The following SH2D1B variants were observed in gnomAD, a reference collection of about 807,000 sequenced individuals.
The protein encoded by SH2D1B is SH2 domain containing 1B, also known as SH2 domain-containing protein 1B.
A neutral mutation model predicts 16.3 loss-of-function variants in SH2D1B; 11 were observed. That is an observed-to-expected ratio of 0.67 (90% CI 0.42 to 1.11). The LOEUF (loss-of-function observed/expected upper bound fraction) is 1.11, where lower values mean the gene tolerates loss of function less well. Ranked by LOEUF, SH2D1B falls within the 50% of genes most tolerant of loss-of-function variation. The probability of loss-of-function intolerance (pLI) is 0.00; values close to 1 mark genes in which losing one functional copy is unlikely to be tolerated. For synonymous variants in SH2D1B, 55 were observed against 56.1 expected (o/e 0.98, Z 0.09); for missense variants, 123 against 153.1 (o/e 0.80, Z 1.04).
At chr1:162,397,663 T>A (rs1020578845) in intron 3 of SH2D1B, among the ~76,000 whole-genome samples, 2 of 152,170 alleles carry the variant, frequency 1.3e-5, no homozygotes, top group African/African-American at 2.4e-5. Flanking sequence ...TAGCTGAGAA[T>A]TTTGGAGCCT....
At chr1:162,400,822 G>A (rs879384250) in intron 2 of SH2D1B, among the ~76,000 whole-genome samples, 10 of 152,008 alleles carry the variant, frequency 6.6e-5, no homozygotes, top group Admixed American at 3.3e-4. Flanking sequence ...GGTAGCAGAC[G>A]CCTGTAATCC....
chr1:162,401,231 TAC>T (rs2101858964), intron 2 of SH2D1B, among the ~76,000 whole-genome samples: 1 of 152,288 alleles, frequency 6.6e-6, no homozygotes, highest in South Asian at 2.1e-4. Context: ...GTGTCTGAGT[TAC>T]AAATGATTTG....
chr1:162,399,124 T>G lies in SH2D1B; in HGVS notation c.199-37A>C, dbSNP rs374932800. On this transcript the variant is annotated intron_variant, in intron 2 of 3. Coordinates refer to ENST00000367929, the MANE Select transcript of SH2D1B (RefSeq NM_053282.5). The stretch of plus-strand genomic sequence containing the variant: ...CAAGAAAGGAAATCACTCATTATCA[T>G]GCAATTGCGTGTGAAATGTGACACT... 3.3e-5 allele frequency: 52 copies of G among 1,572,114 alleles called. No individual in the cohort carries two copies. In the African/African-American group the frequency reaches 5.0e-4, roughly 15 times the overall value.
intron 2 of SH2D1B, among the ~76,000 whole-genome samples, chr1:162,400,597 C>T (rs1204234737): frequency 6.6e-6 from 1 of 151,564 alleles, no homozygotes; most frequent in South Asian, 2.1e-4. Context: ...AGCCACCATG[C>T]CTGGCCCACC....
rs2101855820 is a variant in SH2D1B, at chr1:162,396,196, A to C, written c.*1084T>G. On this transcript the variant is annotated 3_prime_UTR_variant, in exon 4 of 4. Transcript: ENST00000367929. ...CCTCTCTTTTAAAACTCTGAAGATA[A>C]GTCCAGTGGGGTGAAATACATTACT... is the stretch of plus-strand genomic sequence containing the variant. 1 of 152,338 alleles carries C rather than the reference A, an allele frequency of 6.6e-6. No homozygotes were observed. The highest frequency in any genetic ancestry group is 1.9e-4 in the East Asian group (1 of 5,186). The allele number at this position is 152,338 out of a possible 1,614,324, so 9.4% of individuals were successfully genotyped here.
rs1019018727 is a variant in SH2D1B, at chr1:162,412,098, G to A, written c.-82C>T. ...AAGGGACAGCTCTGAGGAGAGATGTGTAAGCAGCTGTACCTCCTGTGGAGC... is the reference window on the plus strand; with the variant it reads ...AAGGGACAGCTCTGAGGAGAGATGTATAAGCAGCTGTACCTCCTGTGGAGC... On this transcript the variant is annotated 5_prime_UTR_variant, in exon 1 of 4. Transcript: ENST00000367929. 3 of 1,564,384 alleles carry A rather than the reference G, an allele frequency of 1.9e-6. No individual in the cohort carries two copies. The highest frequency in any genetic ancestry group is 3.4e-5 in the Admixed American group (2 of 58,946).
intron 1 of SH2D1B, among the ~76,000 whole-genome samples, chr1:162,404,733 C>T (rs900891547): frequency 2.6e-5 from 4 of 152,180 alleles, no homozygotes; most frequent in Non-Finnish European, 5.9e-5. Flanking sequence ...AACGCAGATT[C>T]AACTCACAAT....
intron 2 of SH2D1B, among the ~76,000 whole-genome samples, chr1:162,399,846 T>C (rs1648464718): frequency 1.3e-5 from 2 of 152,206 alleles, no homozygotes; most frequent in African/African-American, 4.8e-5. Context: ...TTTCATTCTT[T>C]TTTGACCTAA....
At chr1:162,397,634 G>A (rs1174276985) in intron 3 of SH2D1B, among the ~76,000 whole-genome samples, 5 of 152,198 alleles carry the variant, frequency 3.3e-5, no homozygotes, top group African/African-American at 1.2e-4. Flanking sequence ...GAGGTTGATG[G>A]GGAATATTTC....
At chr1:162,408,477 A>G (rs1382821540) in intron 1 of SH2D1B, among the ~76,000 whole-genome samples, 1 of 136,126 alleles carries the variant, frequency 7.3e-6, no homozygotes, top group East Asian at 2.2e-4. Context: ...CAGTGGTGCG[A>G]TCTTGGCTCA....
intron 1 of SH2D1B, 86 bp from the exon 2 acceptor site, chr1:162,402,888 G>T: frequency 5.8e-6 from 6 of 1,026,482 alleles, no homozygotes; most frequent in South Asian, 2.8e-5. Flanking sequence ...CAATACCTTT[G>T]TTAATCTACA....
chr1:162,402,516 T>TAA, intron 2 of SH2D1B: 1 of 427,298 alleles, frequency 2.3e-6, no homozygotes, highest in African/African-American at 2.0e-5. Context: ...AGACTCCGTC[T>TAA]AAAAAAAACA....
intron 1 of SH2D1B, among the ~76,000 whole-genome samples, chr1:162,408,941 C>T (rs1259992684): frequency 6.6e-6 from 1 of 151,816 alleles, no homozygotes; most frequent in Non-Finnish European, 1.5e-5. Flanking sequence ...GACCCCATGT[C>T]TACAAAAAAT....
At chr1:162,409,639 C>T (rs1038112683) in intron 1 of SH2D1B, among the ~76,000 whole-genome samples, 22 of 152,126 alleles carry the variant, frequency 1.4e-4, no homozygotes, top group Non-Finnish European at 2.8e-4. Context: ...AGTATAATGG[C>T]GCGATCTCGG....
At chr1:162,402,623 T>G in intron 2 of SH2D1B, 116 bp downstream of exon 2, 1 of 820,678 alleles carries the variant, frequency 1.2e-6, no homozygotes, top group African/African-American at 1.7e-5. Flanking sequence ...ATCTCTGCAT[T>G]GTGCTTTCCT....
At position 162,396,734 on chromosome 1, in the gene SH2D1B, T is replaced by C. The variant is rs1648388000; in HGVS notation, c.*546A>G. 1 of 154,540 alleles carries C rather than the reference T, an allele frequency of 6.5e-6. No individual in the cohort carries two copies. Among genetic ancestry groups the C allele is most frequent in the African/African-American group, 2.4e-5 (1 of 41,536 alleles). The allele number at this position is 154,540 out of a possible 1,614,324, so 9.6% of individuals were successfully genotyped here. ...GGTACAGAGAAGGTGCTGATCTGTA[T>C]GCATCTCCATCACTCCCGATCCCTC... is the stretch of plus-strand genomic sequence containing the variant. On this transcript the variant is annotated 3_prime_UTR_variant, in exon 4 of 4. Transcript: ENST00000367929.
At chr1:162,398,113 G>A (rs1270856331) in intron 3 of SH2D1B, among the ~76,000 whole-genome samples, 6 of 152,272 alleles carry the variant, frequency 3.9e-5, no homozygotes, top group South Asian at 4.2e-4. Flanking sequence ...TGACTTTGCC[G>A]CAGACAGAGT....
intron 2 of SH2D1B, 28 bp downstream of exon 2, chr1:162,402,711 T>C: frequency 6.3e-7 from 1 of 1,590,724 alleles, no homozygotes; most frequent in Non-Finnish European, 8.6e-7. Context: ...TTTTGTGTTG[T>C]TGTTGTTGTC....
Position 162,396,155 on chromosome 1 carries a change from C to T in SH2D1B, c.*1125G>A, listed in dbSNP as rs796308218. 6.6e-6 allele frequency: 1 copy of T among 152,324 alleles called. No individual in the cohort carries two copies. Among genetic ancestry groups the T allele is most frequent in the African/African-American group, 2.4e-5 (1 of 41,568 alleles). 9.4% of individuals were successfully genotyped at this position (152,324 alleles called of 1,614,324 possible). A position where few individuals can be genotyped will look rare whatever the true frequency, so the allele number is the denominator to read the frequency against. Reference sequence around the variant, plus strand: ...GTGTCTGTTCATCTGTTCATATTACCTCTAAGTCGAGAGCTCCTCTCTTTT... The same window carrying T: ...GTGTCTGTTCATCTGTTCATATTACTTCTAAGTCGAGAGCTCCTCTCTTTT... On this transcript the variant is annotated 3_prime_UTR_variant, in exon 4 of 4. Transcript: ENST00000367929.
Sources: gnomAD v4.1 joint callset for allele counts (sites outside exome capture counted in the v4.1 genomes callset) on GRCh38, gnomAD v4.1.1 for gene constraint, MANE v1.5 for transcripts, NCBI Gene and HGNC (gene_info 2026-07-23, HGNC 2026-07-21) for gene names.